Variants in CNTFR observed in about 807,000 individuals in gnomAD.
CNTFR encodes ciliary neurotrophic factor receptor subunit alpha.
CNTFR carries 12 observed loss-of-function variants against 40.4 expected under a neutral mutation model. The ratio of observed to expected loss-of-function variants is 0.30; its 90% CI spans 0.19 to 0.48. The LOEUF (loss-of-function observed/expected upper bound fraction) is 0.48, where lower values mean the gene tolerates loss of function less well. CNTFR is among the 20% of genes least tolerant of loss of function. The pLI, the probability that CNTFR is intolerant of heterozygous loss-of-function variation, is 0.99. For missense variants in CNTFR, 414 were observed against 506.8 expected (o/e 0.82, Z 1.76); for synonymous variants, 202 against 209.6 (o/e 0.96, Z 0.31).
rs886353852 is a variant in CNTFR, at chr9:34,552,957, G to A, written c.769-103C>T. 4 of 1,089,474 alleles carry A rather than the reference G, an allele frequency of 3.7e-6. No individual in the cohort carries two copies. The African/African-American group carries it at 4.8e-5, about 13-fold the overall frequency. 67.5% of individuals were successfully genotyped at this position (1,089,474 alleles called of 1,614,324 possible). ...ATGCCTCTGAGGAGAGGAGAGTAAA[G>A]GGCTCTGGGGGCAGTGAGGACTTCC... On this transcript the variant is annotated intron_variant, in intron 7 of 9. Transcript: ENST00000378980. The surrounding 1 kb of genome is among the most constrained non-coding windows in gnomAD (Gnocchi z 5.1).
chr9:34,567,128 G>A (rs1826340088), intron 3 of CNTFR, among the ~76,000 whole-genome samples: 1 of 152,210 alleles, frequency 6.6e-6, no homozygotes, highest in African/African-American at 2.4e-5. Context: ...CCCCGTGGGT[G>A]CCCCTACTGA....
intron 2 of CNTFR, among the ~76,000 whole-genome samples, chr9:34,572,451 T>A (rs1826709574): frequency 6.6e-6 from 1 of 152,086 alleles, no homozygotes; most frequent in South Asian, 2.1e-4. Context: ...TAGCCCAGGA[T>A]TCCTCTCAGC....
intron 1 of CNTFR, among the ~76,000 whole-genome samples, chr9:34,581,902 G>A (rs1220527817): frequency 6.6e-6 from 1 of 152,164 alleles, no homozygotes; most frequent in East Asian, 1.9e-4. Context: ...ATAACAGCAG[G>A]TATCACTTGT....
chr9:34,582,280 A>AAAAAAAAC (rs1236343373), intron 1 of CNTFR: 3 of 18,262 alleles, frequency 1.6e-4, no homozygotes, highest in African/African-American at 5.6e-4. Flanking sequence ...CTATGGCAAA[A>AAAAAAAAC]AAAAAAAAAA....
chr9:34,569,400 C>A, intron 2 of CNTFR: 1 of 180,396 alleles, frequency 5.5e-6, no homozygotes, highest in Admixed American at 5.9e-5. Context: ...ATGCCAGGGC[C>A]ATTTTTCTAA....
At chr9:34,572,787 T>C (rs906003857) in intron 2 of CNTFR, among the ~76,000 whole-genome samples, 1 of 152,176 alleles carries the variant, frequency 6.6e-6, no homozygotes, top group Non-Finnish European at 1.5e-5. Context: ...ATGACAATAA[T>C]GCAGTGAGTG....
intron 2 of CNTFR, among the ~76,000 whole-genome samples, chr9:34,579,705 CCA>C (rs1229111318): frequency 6.6e-6 from 1 of 151,944 alleles, no homozygotes; most frequent in Non-Finnish European, 1.5e-5. Flanking sequence ...AGGGAGAAGC[CCA>C]GAGAGAGGCT....
chr9:34,573,384 C>T (rs998202343), intron 2 of CNTFR, among the ~76,000 whole-genome samples: 4 of 152,248 alleles, frequency 2.6e-5, no homozygotes, highest in South Asian at 2.1e-4. Context: ...TAGTGTGTTG[C>T]GCACTTCAGG....
intron 2 of CNTFR, among the ~76,000 whole-genome samples, chr9:34,573,567 G>T (rs1186120889): frequency 6.6e-6 from 1 of 152,128 alleles, no homozygotes; most frequent in Non-Finnish European, 1.5e-5. Flanking sequence ...CCATTGCCAG[G>T]CGTCAGGGTG....
intron 2 of CNTFR, among the ~76,000 whole-genome samples, chr9:34,576,418 C>T (rs1231931498): frequency 6.6e-6 from 1 of 152,208 alleles, no homozygotes; most frequent in Non-Finnish European, 1.5e-5. Flanking sequence ...TCGCCCTTGG[C>T]CTCTCACGCC....
chr9:34,588,670 T>A (rs1247548093), intron 1 of CNTFR, among the ~76,000 whole-genome samples: 1 of 152,072 alleles, frequency 6.6e-6, no homozygotes, highest in Non-Finnish European at 1.5e-5. Context: ...CGTGAAATAG[T>A]CCTGCCCGCC....
intron 2 of CNTFR, among the ~76,000 whole-genome samples, chr9:34,576,560 G>C (rs924637273): frequency 1.3e-5 from 2 of 152,216 alleles, no homozygotes; most frequent in East Asian, 3.8e-4. Flanking sequence ...GAAAGAAAAG[G>C]AAAGGAAATA....
At chr9:34,578,568 A>G (rs980280015) in intron 2 of CNTFR, among the ~76,000 whole-genome samples, 31 of 151,954 alleles carry the variant, frequency 2.0e-4, no homozygotes, top group African/African-American at 6.3e-4. Context: ...GAGATGTGGG[A>G]CCCGGCCCCA....
intron 3 of CNTFR, 32 bp downstream of exon 3, chr9:34,568,865 G>A (rs941295356): frequency 6.5e-7 from 1 of 1,549,296 alleles, no homozygotes; most frequent in African/African-American, 1.4e-5. Context: ...CTCTGAGAGG[G>A]GGGTCAGCAG....
chr9:34,579,343 C>A (rs913987114), intron 2 of CNTFR, among the ~76,000 whole-genome samples: 2 of 151,938 alleles, frequency 1.3e-5, no homozygotes, highest in African/African-American at 4.8e-5. Flanking sequence ...TATCAGGAGA[C>A]GCTTTTCTGA....
In CNTFR at chr9:34,552,997, G is replaced by A; in HGVS notation, c.769-143C>T. Reference sequence around the variant, plus strand: ...TGAGGACTTCCCTGAGGAGAAGGAGGACATGGAGAATATTCTTGCCAGAGA... The same window carrying A: ...TGAGGACTTCCCTGAGGAGAAGGAGAACATGGAGAATATTCTTGCCAGAGA... On this transcript the variant is annotated intron_variant, in intron 7 of 9. Transcript: ENST00000378980. This position sits in a 1 kb window ranked among gnomAD's most constrained non-coding sequence, Gnocchi z 5.1. 1.4e-6 allele frequency: 1 copy of A among 721,880 alleles called. No individual in the cohort carries two copies. The highest frequency in any genetic ancestry group is 2.3e-6 in the Non-Finnish European group (1 of 436,672). The allele number at this position is 721,880 out of a possible 1,614,324, so 44.7% of individuals were successfully genotyped here. A position where few individuals can be genotyped will look rare whatever the true frequency, so the allele number is the denominator to read the frequency against.
intron 2 of CNTFR, among the ~76,000 whole-genome samples, chr9:34,577,917 G>A (rs1280488235): frequency 6.6e-6 from 1 of 151,212 alleles, no homozygotes; most frequent in African/African-American, 2.4e-5. Context: ...AGCGGGAAGC[G>A]CCGAGGCGGG....
intron 3 of CNTFR, among the ~76,000 whole-genome samples, chr9:34,565,308 C>T (rs554621082): frequency 3.3e-5 from 5 of 152,174 alleles, no homozygotes; most frequent in South Asian, 2.1e-4. Context: ...ACTCCTTTTT[C>T]GGTCTCCTTA....
Position 34,552,894 on chromosome 9 carries a change from G to C in CNTFR, c.769-40C>G. ...TGGGGTGGGGGTAAGGACACACCTGGGGGCCAGGAGGGTGAGGTCCCTCCA... is the reference window on the plus strand; with the variant it reads ...TGGGGTGGGGGTAAGGACACACCTGCGGGCCAGGAGGGTGAGGTCCCTCCA... On this transcript the variant is annotated intron_variant, in intron 7 of 9. Coordinates refer to ENST00000378980, the MANE Select transcript of CNTFR (RefSeq NM_147164.3). This position sits in a 1 kb window ranked among gnomAD's most constrained non-coding sequence, Gnocchi z 5.1. 2 of 1,592,062 alleles carry C rather than the reference G, an allele frequency of 1.3e-6. No individual in the cohort carries two copies. The highest frequency in any genetic ancestry group is 2.2e-5 in the East Asian group (1 of 44,676).
Sources: allele counts gnomAD v4.1 joint callset (sites outside exome capture counted in the v4.1 genomes callset), GRCh38; gene constraint gnomAD v4.1.1; non-coding constraint Gnocchi (gnomAD v3.1); transcripts MANE v1.5; gene names NCBI Gene and HGNC (gene_info 2026-07-23, HGNC 2026-07-21).